The following DIP2C variants were observed in gnomAD, a reference collection of about 807,000 sequenced individuals.
The protein encoded by DIP2C is disco-interacting protein 2 homolog C.
In DIP2C, 33 loss-of-function variants were observed where a neutral mutation model predicts 192.4. The observed-to-expected ratio is 0.17, with a 90% CI of 0.13 to 0.23. The LOEUF (loss-of-function observed/expected upper bound fraction) is 0.23, where lower values mean the gene tolerates loss of function less well. Ranked by LOEUF, DIP2C falls within the 10% of genes least tolerant of loss-of-function variation. The pLI is 1.00. For missense variants in DIP2C, 1,537 were observed against 2,110.1 expected, an observed-to-expected ratio of 0.73 and a Z score of 5.32; for synonymous variants, 979 against 864.1, an observed-to-expected ratio of 1.13 and a Z score of -2.33.
chr10:532,852 C>T (rs1297286569), intron 1 of DIP2C, among the ~76,000 whole-genome samples: 4 of 152,052 alleles, frequency 2.6e-5, no homozygotes, highest in East Asian at 1.9e-4. Context: ...TACAGAGGTG[C>T]TATCACGGTT....
At chr10:549,806 A>G (rs1848494312) in intron 1 of DIP2C, among the ~76,000 whole-genome samples, 1 of 152,116 alleles carries the variant, frequency 6.6e-6, no homozygotes, top group Non-Finnish European at 1.5e-5. Context: ...TGTGAGTAAC[A>G]CTAGTCACTA....
At chr10:445,282 AAG>A (rs753309463) in intron 3 of DIP2C, among the ~76,000 whole-genome samples, 4 of 152,048 alleles carry the variant, frequency 2.6e-5, no homozygotes, top group Admixed American at 6.5e-5. Context: ...AACTGTTGTG[AAG>A]AGTCTATCTT....
chr10:569,354 T>C (rs776550945), intron 1 of DIP2C, among the ~76,000 whole-genome samples: 23 of 152,180 alleles, frequency 1.5e-4, no homozygotes, highest in Admixed American at 3.9e-4. Flanking sequence ...ATCCTGTGTT[T>C]AACACAGATT....
At chr10:453,719 T>C (rs900216228) in intron 3 of DIP2C, among the ~76,000 whole-genome samples, 2 of 151,962 alleles carry the variant, frequency 1.3e-5, no homozygotes, top group Non-Finnish European at 2.9e-5. Context: ...GAGAAAGGAA[T>C]GAGGGAATGT....
intron 1 of DIP2C, among the ~76,000 whole-genome samples, chr10:514,583 C>G (rs1017374316): frequency 4.6e-5 from 7 of 152,210 alleles, no homozygotes; most frequent in Non-Finnish European, 8.8e-5. Flanking sequence ...ACTCCAAGGA[C>G]CGCGGGTTCC....
chr10:594,979 C>A (rs941954411), intron 1 of DIP2C, among the ~76,000 whole-genome samples: 1 of 152,346 alleles, frequency 6.6e-6, no homozygotes, highest in Non-Finnish European at 1.5e-5. Context: ...CACGCCCTCA[C>A]CGCAGACCTG....
rs1322892469 is a variant in DIP2C, at chr10:496,585, T to C, written c.86-10055A>G. Among the ~76,000 whole-genome samples the C allele has an allele frequency of 2.0e-5, 3 of 150,304 alleles. No homozygotes were observed. In the South Asian group the frequency reaches 6.3e-4, roughly 32 times the overall value. ...ACACACAACACATGGTGCCCTCCTG[T>C]GTACTTAAAATCTGTACATTACTCG... On this transcript the variant is annotated intron_variant, in intron 1 of 36. Transcript: ENST00000280886.
At chr10:529,864 T>C (rs1169930495) in intron 1 of DIP2C, among the ~76,000 whole-genome samples, 8 of 151,936 alleles carry the variant, frequency 5.3e-5, no homozygotes, top group African/African-American at 1.7e-4. Context: ...ATCGCGGCCT[T>C]GACTTTCTGG....
chr10:367,147 G>T (rs1380561822), intron 18 of DIP2C, among the ~76,000 whole-genome samples: 1 of 152,238 alleles, frequency 6.6e-6, no homozygotes, highest in African/African-American at 2.4e-5. Flanking sequence ...GCCGGACGCG[G>T]TGGCTCACGC....
intron 30 of DIP2C, among the ~76,000 whole-genome samples, 154 bp downstream of exon 30, chr10:329,279 T>C (rs993199181): frequency 2.0e-5 from 3 of 152,344 alleles, no homozygotes; most frequent in Admixed American, 6.5e-5. Flanking sequence ...AAGATTTTCA[T>C]ATAAAGGCAG....
chr10:440,740 G>A (rs1967658127), intron 4 of DIP2C, 131 bp downstream of exon 4: 2 of 1,318,700 alleles, frequency 1.5e-6, no homozygotes, highest in East Asian at 4.9e-5. Flanking sequence ...CACTGTTTTT[G>A]GACTTCTGGT....
chr10:581,913 G>A (rs181340735), intron 1 of DIP2C, among the ~76,000 whole-genome samples: 172 of 152,256 alleles, frequency 1.1e-3, no homozygotes, highest in Non-Finnish European at 2.1e-3. Flanking sequence ...ATGGGTTTAC[G>A]TGGACGACAA....
intron 34 of DIP2C, among the ~76,000 whole-genome samples, chr10:285,777 G>C (rs1955086709): frequency 6.6e-6 from 1 of 152,254 alleles, no homozygotes; most frequent in African/African-American, 2.4e-5. Flanking sequence ...GAGCCAGCCA[G>C]GGCGGGCTCA....
rs889683291 is a variant in DIP2C at position 344,793 on chromosome 10, C to T, written c.3453+16G>A. The T allele has an allele frequency of 6.4e-7, 1 of 1,569,288 alleles. No individual in the cohort carries two copies. The highest frequency in any genetic ancestry group is 1.2e-5 in the South Asian group (1 of 85,610). On this transcript the variant is annotated intron_variant, in intron 28 of 36. Coordinates refer to ENST00000280886, the MANE Select transcript of DIP2C (RefSeq NM_014974.3). The stretch of plus-strand genomic sequence containing the variant: ...CAGTTGCCTCCATGGCCACCGCCCG[C>T]AGCCACCCCCCTCACCTTTACGCCA...
chr10:582,696 T>A (rs974783245), intron 1 of DIP2C, among the ~76,000 whole-genome samples: 3 of 152,174 alleles, frequency 2.0e-5, no homozygotes, highest in African/African-American at 7.2e-5. Context: ...GAAAAGCGTG[T>A]CTCCAAACCA....
intron 1 of DIP2C, among the ~76,000 whole-genome samples, chr10:579,979 C>T (rs749505767): frequency 4.6e-5 from 7 of 151,586 alleles, no homozygotes; most frequent in Admixed American, 6.6e-5. Context: ...AGCCAATGTA[C>T]ATATACAGGT....
intron 1 of DIP2C, among the ~76,000 whole-genome samples, chr10:617,239 C>T (rs1853530805): frequency 6.8e-6 from 1 of 147,858 alleles, no homozygotes; most frequent in Non-Finnish European, 1.5e-5. Context: ...CACTACCGCA[C>T]ATGCCTCTCT....
intron 1 of DIP2C, among the ~76,000 whole-genome samples, chr10:551,791 C>A (rs61831033): frequency 6.6e-6 from 1 of 152,188 alleles, no homozygotes; most frequent in Non-Finnish European, 1.5e-5. Context: ...CCAGGCTCCT[C>A]AGAGCCAGGC....
At position 576,258 on chromosome 10, in the gene DIP2C, T is replaced by A. The variant is rs184496273; in HGVS notation, c.86-89728A>T. 9.8e-4 allele frequency among the ~76,000 whole-genome samples: 150 copies of A among 152,294 alleles called. 5 individuals carry two copies. In the East Asian group the frequency reaches 0.019, roughly 19 times the overall value. On this transcript the variant is annotated intron_variant, in intron 1 of 36. Transcript: ENST00000280886. ...AAGGAAGGGAGCTGTCGCCCAGTTA[T>A]CCCAAGCCAAAGCAACACTGCGAGG...
Sources: allele counts gnomAD v4.1 joint callset (sites outside exome capture counted in the v4.1 genomes callset), GRCh38; gene constraint gnomAD v4.1.1; transcripts MANE v1.5; gene names NCBI Gene and HGNC (gene_info 2026-07-23, HGNC 2026-07-21).